The following RASGEF1B variants were observed in gnomAD, a reference collection of about 807,000 sequenced individuals.
RASGEF1B encodes the protein ras-GEF domain-containing family member 1B.
In RASGEF1B, 30 loss-of-function variants were observed where a neutral mutation model predicts 65.7. The observed-to-expected ratio is 0.46, with a 90% CI of 0.34 to 0.62. The LOEUF is 0.62. Among genes scored for constraint, RASGEF1B ranks in the 20% least tolerant of loss-of-function variants. The pLI is 0.01. For missense variants in RASGEF1B, 495 were observed against 580.1 expected (o/e 0.85, Z 1.51); for synonymous variants, 175 against 194.8 (o/e 0.90, Z 0.85).
At chr4:81,429,817 T>A (rs1185580374) in intron 13 of RASGEF1B, among the ~76,000 whole-genome samples, 1 of 149,674 alleles carries the variant, frequency 6.7e-6, no homozygotes, top group Non-Finnish European at 1.5e-5. Flanking sequence ...GAGCGGCTGG[T>A]CGTCGAGAGG....
At chr4:81,428,806 ATCC>A (rs1649955461) in intron 13 of RASGEF1B, among the ~76,000 whole-genome samples, 1 of 152,278 alleles carries the variant, frequency 6.6e-6, no homozygotes, top group South Asian at 2.1e-4. Flanking sequence ...GGACTAGAGC[ATCC>A]TCAGATTTTG....
At chr4:81,439,605 GAGA>G (rs1237449699) in intron 10 of RASGEF1B, among the ~76,000 whole-genome samples, 4 of 152,188 alleles carry the variant, frequency 2.6e-5, no homozygotes, top group African/African-American at 7.2e-5. Context: ...CTGCAACACA[GAGA>G]AGGTGAATGA....
chr4:81,455,174 C>T (rs1045454125), intron 4 of RASGEF1B: 5 of 152,390 alleles, frequency 3.3e-5, no homozygotes, highest in African/African-American at 1.2e-4. Flanking sequence ...CAGTGACTCA[C>T]ACCTGTAATT....
chr4:81,456,877 T>C, intron 3 of RASGEF1B, 89 bp from the exon 4 acceptor site: 1 of 1,207,242 alleles, frequency 8.3e-7, no homozygotes, highest in South Asian at 1.5e-5. Flanking sequence ...ACTGAGAAAC[T>C]TCTAGTGCAA....
chr4:81,446,279 A>C (rs532371905), intron 6 of RASGEF1B, among the ~76,000 whole-genome samples: 1 of 152,280 alleles, frequency 6.6e-6, no homozygotes, highest in East Asian at 1.9e-4. Flanking sequence ...GGGAGGCTGA[A>C]GCAGGAAAAT....
chr4:81,467,431 A>C (rs111678938), intron 1 of RASGEF1B, among the ~76,000 whole-genome samples: 105 of 152,300 alleles, frequency 6.9e-4, no homozygotes, highest in African/African-American at 2.3e-3. Flanking sequence ...TAACCTGGAG[A>C]GTCAATTAAA....
At chr4:81,464,894 G>A (rs1722756162) in intron 1 of RASGEF1B, among the ~76,000 whole-genome samples, 1 of 151,964 alleles carries the variant, frequency 6.6e-6, no homozygotes, top group African/African-American at 2.4e-5. Flanking sequence ...AGACCAGCCT[G>A]ACCAACATGA....
chr4:81,441,130 G>A (rs1333252970), intron 9 of RASGEF1B, among the ~76,000 whole-genome samples: 4 of 152,134 alleles, frequency 2.6e-5, no homozygotes, highest in African/African-American at 9.7e-5. Flanking sequence ...AATTATGCGA[G>A]CTGATGTCAG....
intron 1 of RASGEF1B, among the ~76,000 whole-genome samples, chr4:81,467,634 C>T (rs1722886652): frequency 6.6e-6 from 1 of 152,148 alleles, no homozygotes; most frequent in Non-Finnish European, 1.5e-5. Flanking sequence ...AGTAACAGTG[C>T]TGGTTTAGAA....
Position 81,444,398 on chromosome 4 carries a change from G to A in RASGEF1B, c.928+1128C>T, listed in dbSNP as rs955254648. Among the ~76,000 whole-genome samples, 92 of 152,266 alleles carry A rather than the reference G, an allele frequency of 6.0e-4. 1 individual carries two copies. Among genetic ancestry groups the A allele is most frequent in the African/African-American group, 2.2e-3 (90 of 41,558 alleles). ...TTGGCCAGTATTTTTTATGGGGGGA[G>A]AGAAAGAGGAAATGATATGTAAACA... On this transcript the variant is annotated intron_variant, in intron 8 of 13. Coordinates refer to ENST00000264400, the MANE Select transcript of RASGEF1B (RefSeq NM_152545.3).
intron 1 of RASGEF1B, among the ~76,000 whole-genome samples, chr4:81,463,551 T>A (rs1056844122): frequency 6.6e-6 from 1 of 152,190 alleles, no homozygotes; most frequent in African/African-American, 2.4e-5. Context: ...TGGCTCACAG[T>A]ATTCATCACT....
rs551350827 is a variant in RASGEF1B, at chr4:81,470,422, C to G, written c.-7+1348G>C. On this transcript the variant is annotated intron_variant, in intron 1 of 13. Coordinates refer to ENST00000264400, the MANE Select transcript of RASGEF1B (RefSeq NM_152545.3). ...TGCCAAGCTCTAGCTACTGTTTTCA[C>G]GAGGAAAGGGCAATTATTCACCCCA... 6.6e-5 allele frequency among the ~76,000 whole-genome samples: 10 copies of G among 152,236 alleles called. No homozygotes were observed. In the South Asian group the frequency reaches 1.9e-3, roughly 28 times the overall value.
rs1721239459 is a variant in RASGEF1B at position 81,426,894 on chromosome 4, C to T, written c.*874G>A. 7.3e-6 allele frequency: 1 copy of T among 137,336 alleles called. No homozygotes were observed. Among genetic ancestry groups the T allele is most frequent in the Non-Finnish European group, 1.5e-5 (1 of 65,320 alleles). The allele number at this position is 137,336 out of a possible 1,614,324, so 8.5% of individuals were successfully genotyped here. A position where few individuals can be genotyped will look rare whatever the true frequency, so the allele number is the denominator to read the frequency against. On this transcript the variant is annotated 3_prime_UTR_variant, in exon 14 of 14. Coordinates refer to ENST00000264400, the MANE Select transcript of RASGEF1B (RefSeq NM_152545.3). The stretch of plus-strand genomic sequence containing the variant: ...ATTTAAATTTACAAGAGAAAAATAA[C>T]AGGCATCATGGAAAACTAAGTAACA...
rs750530026 is a variant in RASGEF1B, at chr4:81,457,610, T to C, written c.189A>G (p.Ile63Met). ...NVDYYPDRTY[I>M]FTFLLSSRLF... is the part of the protein sequence containing the mutation. ...ACCGAGAACTGAGTAGGAAGGTAAA[T>C]ATGTATGTTCTCTGCAGCAACAGAA... is the stretch of plus-strand genomic sequence containing the variant. The change falls in exon 3 of 14, where the codon ATA becomes ATG. Residue 63 changes from isoleucine to methionine, a missense_variant. Physicochemically the swap from Ile to Met is conservative, Grantham distance 10. Coordinates refer to ENST00000264400, the MANE Select transcript of RASGEF1B (RefSeq NM_152545.3). 2.5e-6 allele frequency: 4 copies of C among 1,613,754 alleles called. No individual in the cohort carries two copies. Among genetic ancestry groups the C allele is most frequent in the Non-Finnish European group, 3.4e-6 (4 of 1,179,942 alleles).
chr4:81,462,833 T>C (rs1261668886), intron 1 of RASGEF1B, among the ~76,000 whole-genome samples: 2 of 152,206 alleles, frequency 1.3e-5, no homozygotes, highest in Non-Finnish European at 2.9e-5. Flanking sequence ...TTGGCTCCAT[T>C]TGTGTAATTG....
chr4:81,437,120 A>G (rs1721654574), intron 10 of RASGEF1B, among the ~76,000 whole-genome samples: 1 of 152,260 alleles, frequency 6.6e-6, no homozygotes, highest in African/African-American at 2.4e-5. Context: ...GCCAGACAAC[A>G]GCAAAAAATT....
At chr4:81,467,027 G>A (rs1314120920) in intron 1 of RASGEF1B, among the ~76,000 whole-genome samples, 1 of 151,560 alleles carries the variant, frequency 6.6e-6, no homozygotes, top group Non-Finnish European at 1.5e-5. Flanking sequence ...CACTTCTTTG[G>A]TATGTGAACA....
intron 10 of RASGEF1B, 114 bp downstream of exon 10, chr4:81,440,718 ATG>A (rs1721803502): frequency 4.6e-6 from 3 of 653,694 alleles, no homozygotes. Flanking sequence ...TAGAGTACAC[ATG>A]TCTCTCTCTT....
At chr4:81,449,837 T>C (rs534838682) in intron 4 of RASGEF1B, among the ~76,000 whole-genome samples, 29 of 152,298 alleles carry the variant, frequency 1.9e-4, no homozygotes, top group Admixed American at 1.3e-3. Flanking sequence ...TGACAACATA[T>C]CTAGAAATGG....
Sources: allele counts gnomAD v4.1 joint callset (sites outside exome capture counted in the v4.1 genomes callset), GRCh38; gene constraint gnomAD v4.1.1; transcripts MANE v1.5; gene names NCBI Gene and HGNC (gene_info 2026-07-23, HGNC 2026-07-21).